Variants in BAZ1B observed in about 807,000 individuals in gnomAD.
BAZ1B encodes the protein bromodomain adjacent to zinc finger domain 1B.
A neutral mutation model predicts 153.8 loss-of-function variants in BAZ1B; 22 were observed. The observed-to-expected ratio is 0.14, with a 90% confidence interval of 0.10 to 0.20. The LOEUF is 0.20. BAZ1B is among the 10% of genes least tolerant of loss of function. The pLI is 1.00. For missense variants in BAZ1B, 1,325 were observed against 1,799.3 expected (o/e 0.74, Z 4.77); for synonymous variants, 676 against 633.4 (o/e 1.07, Z -1.01).
intron 11 of BAZ1B, among the ~76,000 whole-genome samples, chr7:73,464,903 TG>T (rs1554570960): frequency 1.3e-5 from 2 of 150,044 alleles, no homozygotes; most frequent in African/African-American, 5.0e-5. Context: ...ATTTTTGTTT[TG>T]TTTTTTTTTT....
intron 19 of BAZ1B, chr7:73,441,977 G>T: frequency 1.8e-6 from 1 of 566,108 alleles, no homozygotes; most frequent in Admixed American, 3.2e-5. Flanking sequence ...AGAAGGGAGG[G>T]TTATGGCCCT....
At chr7:73,503,438 C>T (rs188951802) in intron 3 of BAZ1B, among the ~76,000 whole-genome samples, 3 of 151,714 alleles carry the variant, frequency 2.0e-5, no homozygotes, top group East Asian at 1.9e-4. Context: ...TACAGTGGTG[C>T]GATCATAGCT....
intron 1 of BAZ1B, among the ~76,000 whole-genome samples, chr7:73,517,662 T>C (rs575634282): frequency 2.0e-5 from 3 of 152,292 alleles, no homozygotes; most frequent in South Asian, 2.1e-4. Flanking sequence ...TCAGAGCAAA[T>C]GCCAATTGAG....
At chr7:73,447,149 A>G in intron 16 of BAZ1B, 115 bp downstream of exon 16, 2 of 1,579,856 alleles carry the variant, frequency 1.3e-6, no homozygotes, top group South Asian at 2.3e-5. Flanking sequence ...GTCACAACAC[A>G]AGAGAAAAGG....
chr7:73,466,038 A>G (rs1402797488), intron 10 of BAZ1B, among the ~76,000 whole-genome samples: 1 of 152,220 alleles, frequency 6.6e-6, no homozygotes, highest in Non-Finnish European at 1.5e-5. Context: ...TTCTACTGCT[A>G]TATAAGATCT....
Position 73,521,888 on chromosome 7 carries a change from A to G in BAZ1B, c.46T>C (p.Leu16=), listed in dbSNP as rs1554580303. ...GRKPFPLVKP[L]PGEEPLFTIP... ...GTGAAGAGCGGCTCCTCTCCGGGCA[A>G]CGGCTTCACCAGCGGGAAGGGCTTG... The change falls in exon 1 of 20, where the codon TTG becomes CTG. Residue 16 remains leucine, a synonymous_variant. Transcript: ENST00000339594. 1 of 1,501,632 alleles carries G rather than the reference A, an allele frequency of 6.7e-7. No individual in the cohort carries two copies. The allele number at this position is 1,501,632 out of a possible 1,614,324, so 93.0% of individuals were successfully genotyped here.
At chr7:73,451,065 G>A in intron 13 of BAZ1B, 71 bp from the exon 14 acceptor site, 1 of 1,559,202 alleles carries the variant, frequency 6.4e-7, no homozygotes, top group Non-Finnish European at 8.8e-7. Flanking sequence ...TAGGAACAGG[G>A]GACAGTATGA....
chr7:73,457,857 G>A (rs1554569758), intron 13 of BAZ1B, among the ~76,000 whole-genome samples: 1 of 152,138 alleles, frequency 6.6e-6, no homozygotes, highest in African/African-American at 2.4e-5. Context: ...TCAGCTTCAG[G>A]TAACACACTC....
rs570222226 is a variant in BAZ1B, at chr7:73,522,010, G to A, written c.-77C>T. 1.9e-4 allele frequency: 198 copies of A among 1,066,324 alleles called. 1 individual carries two copies. The South Asian group carries it at 6.8e-3, about 37-fold the overall frequency. 66.1% of individuals were successfully genotyped at this position (1,066,324 alleles called of 1,614,324 possible). Reference sequence around the variant, plus strand: ...AGCACTAGGCCCCGCGGCCCGGAGCGAGCGCCAGGCGCCCGGGGGTGGGGT... The same window carrying A: ...AGCACTAGGCCCCGCGGCCCGGAGCAAGCGCCAGGCGCCCGGGGGTGGGGT... On this transcript the variant is annotated 5_prime_UTR_variant, in exon 1 of 20. Transcript: ENST00000339594.
Position 73,477,592 on chromosome 7 carries a change from T to A in BAZ1B, c.1869A>T (p.Leu623=). The change falls in exon 7 of 20, where the codon CTA becomes CTT. Residue 623 remains leucine, a synonymous_variant. Coordinates refer to ENST00000339594, the MANE Select transcript of BAZ1B (RefSeq NM_032408.4). The surrounding 1 kb of genome is among the most constrained non-coding windows in gnomAD (Gnocchi z 5.6). Reference sequence around the variant, plus strand: ...TAGGATACTGAGCATCTGGTAAAAGTAGCCCAGAATAACAGCTCAAGAATT... The same window carrying A: ...TAGGATACTGAGCATCTGGTAAAAGAAGCCCAGAATAACAGCTCAAGAATT... ...VVEFLSCYSG[L]LLPDAQYPIT... is the part of the protein sequence containing the mutation. 1 of 1,614,186 alleles carries A rather than the reference T, an allele frequency of 6.2e-7. No individual in the cohort carries two copies. The highest frequency in any genetic ancestry group is 8.5e-7 in the Non-Finnish European group (1 of 1,180,034).
At chr7:73,471,480 G>A (rs6976930) in intron 7 of BAZ1B, among the ~76,000 whole-genome samples, 33,685 of 151,984 alleles carry the variant, frequency 0.22, 4,416 homozygotes, top group African/African-American at 0.36. Flanking sequence ...TAGGGTACAT[G>A]GCAATGCTAT....
intron 6 of BAZ1B, among the ~76,000 whole-genome samples, chr7:73,480,427 G>A (rs1293863143): frequency 6.6e-6 from 1 of 152,036 alleles, no homozygotes; most frequent in African/African-American, 2.4e-5. Flanking sequence ...CAAACTCTTT[G>A]AGTGGAATGC....
chr7:73,452,585 G>A (rs1788058404), intron 13 of BAZ1B, among the ~76,000 whole-genome samples: 1 of 152,002 alleles, frequency 6.6e-6, no homozygotes, highest in South Asian at 2.1e-4. Context: ...AGGCGGGTGT[G>A]GTGATGTGTG....
intron 8 of BAZ1B, 71 bp downstream of exon 8, chr7:73,470,274 T>C (rs1554571803): frequency 4.1e-6 from 6 of 1,461,584 alleles, no homozygotes; most frequent in South Asian, 2.8e-5. Context: ...TCTTGTACTT[T>C]AGAAAATTTT....
chr7:73,490,480 C>T (rs17145713), intron 5 of BAZ1B, among the ~76,000 whole-genome samples: 31,555 of 152,062 alleles, frequency 0.21, 3,726 homozygotes, highest in African/African-American at 0.31. Context: ...AGCATGACAT[C>T]AGATACTATC....
At chr7:73,489,168 T>G in intron 6 of BAZ1B, 26 bp downstream of exon 6, 1 of 1,603,918 alleles carries the variant, frequency 6.2e-7, no homozygotes, top group Non-Finnish European at 8.5e-7. Flanking sequence ...TTTATCCTGC[T>G]GTCCAAAAAT....
At chr7:73,494,798 A>C (rs1789809221) in intron 4 of BAZ1B, among the ~76,000 whole-genome samples, 1 of 152,230 alleles carries the variant, frequency 6.6e-6, no homozygotes, top group African/African-American at 2.4e-5. Flanking sequence ...AGAAGGAAAG[A>C]GAGTCAAAAT....
chr7:73,451,051 G>A, intron 13 of BAZ1B, 57 bp from the exon 14 acceptor site: 1 of 1,587,712 alleles, frequency 6.3e-7, no homozygotes, highest in Non-Finnish European at 8.6e-7. Flanking sequence ...CACTGAGAGA[G>A]AACTAGGAAC....
At chr7:73,481,266 G>A (rs1415042520) in intron 6 of BAZ1B, among the ~76,000 whole-genome samples, 3 of 150,600 alleles carry the variant, frequency 2.0e-5, no homozygotes, top group African/African-American at 4.9e-5. Flanking sequence ...GGTGGTTCAC[G>A]CCTGTAATCC....
Sources: gnomAD v4.1 joint callset for allele counts (sites outside exome capture counted in the v4.1 genomes callset) on GRCh38, gnomAD v4.1.1 for gene constraint, Gnocchi (gnomAD v3.1) non-coding constraint, MANE v1.5 for transcripts, NCBI Gene and HGNC (gene_info 2026-07-23, HGNC 2026-07-21) for gene names.